NDST3: variants seen among roughly 807,000 people sequenced by gnomAD.
NDST3 encodes the protein bifunctional heparan sulfate N-deacetylase/N-sulfotransferase 3.
Under a neutral mutation model 96.1 loss-of-function variants are expected in NDST3, and 58 were observed. The observed-to-expected ratio is 0.60, with a 90% CI of 0.49 to 0.75. The LOEUF is 0.75. Among genes scored for constraint, NDST3 ranks in the 30% least tolerant of loss-of-function variants. NDST3 has a pLI of 0.00. For missense variants in NDST3, 788 were observed against 1,034.2 expected, an observed-to-expected ratio of 0.76 and a Z score of 3.27; for synonymous variants, 333 against 359.7, an observed-to-expected ratio of 0.93 and a Z score of 0.84.
At chr4:118,236,678 T>C (rs1265197179) in intron 9 of NDST3, among the ~76,000 whole-genome samples, 2 of 152,232 alleles carry the variant, frequency 1.3e-5, no homozygotes, top group Non-Finnish European at 2.9e-5. Context: ...ATCGTCTGTT[T>C]TAATACGATT....
At chr4:118,094,248 T>C (rs2125835268) in intron 2 of NDST3, among the ~76,000 whole-genome samples, 1 of 151,750 alleles carries the variant, frequency 6.6e-6, no homozygotes, top group Non-Finnish European at 1.5e-5. Context: ...GTAATTCTAG[T>C]GGATTAAAGT....
At chr4:118,106,489 G>T (rs576826574) in intron 3 of NDST3, among the ~76,000 whole-genome samples, 2 of 151,940 alleles carry the variant, frequency 1.3e-5, no homozygotes, top group African/African-American at 4.8e-5. Context: ...GGGACTACAG[G>T]CCCATGCCAC....
At chr4:118,247,231 A>G (rs1462041137) in intron 12 of NDST3, among the ~76,000 whole-genome samples, 2 of 149,352 alleles carry the variant, frequency 1.3e-5, no homozygotes, top group African/African-American at 4.9e-5. Context: ...AGGAATGTCC[A>G]GAAAAGAGAC....
At chr4:118,131,584 C>T (rs771179360) in intron 4 of NDST3, among the ~76,000 whole-genome samples, 2 of 152,048 alleles carry the variant, frequency 1.3e-5, no homozygotes, top group Non-Finnish European at 2.9e-5. Context: ...CTTATTTCTC[C>T]AGTATTGGTC....
chr4:118,143,819 C>A, intron 6 of NDST3, 135 bp downstream of exon 6: 1 of 873,056 alleles, frequency 1.1e-6, no homozygotes, highest in Non-Finnish European at 1.7e-6. Flanking sequence ...GTAGTAAAAA[C>A]TAAATGGAAC....
In NDST3 at chr4:118,082,875, C is replaced by A. The variant is rs62326089; in HGVS notation, c.982-22143C>A. 1.3e-3 allele frequency among the ~76,000 whole-genome samples: 203 copies of A among 152,114 alleles called. 1 individual carries two copies. The highest frequency in any genetic ancestry group is 2.1e-3 in the Non-Finnish European group (140 of 68,008). ...GGCCTCAGGGAGCTTCTAATTATGGCAGAAGGCAAAGGGGAAGTAGGCACA... is the reference window on the plus strand; with the variant it reads ...GGCCTCAGGGAGCTTCTAATTATGGAAGAAGGCAAAGGGGAAGTAGGCACA... On this transcript the variant is annotated intron_variant, in intron 2 of 13. Coordinates refer to ENST00000296499, the MANE Select transcript of NDST3 (RefSeq NM_004784.3).
intron 8 of NDST3, among the ~76,000 whole-genome samples, chr4:118,231,891 A>C (rs969595333): frequency 6.6e-6 from 1 of 152,124 alleles, no homozygotes. Context: ...GTCTTATAAA[A>C]CCCTAACTGT....
chr4:118,116,884 A>T (rs963570366), intron 4 of NDST3, among the ~76,000 whole-genome samples: 7 of 152,070 alleles, frequency 4.6e-5, no homozygotes, highest in Admixed American at 4.6e-4. Flanking sequence ...AAAAGAATAT[A>T]CTTAATACAT....
intron 2 of NDST3, among the ~76,000 whole-genome samples, chr4:118,086,005 T>C (rs987255362): frequency 2.0e-5 from 3 of 152,174 alleles, no homozygotes; most frequent in Non-Finnish European, 2.9e-5. Context: ...TTTTATTCTG[T>C]TCCATATGAC....
chr4:118,036,415 G>C (rs941007941), intron 1 of NDST3, among the ~76,000 whole-genome samples: 1 of 152,108 alleles, frequency 6.6e-6, no homozygotes, highest in African/African-American at 2.4e-5. Context: ...TGAATGCCTT[G>C]AATTTCTAAT....
At chr4:118,068,166 CTTTTTTTTT>C (rs34891564) in intron 2 of NDST3, among the ~76,000 whole-genome samples, 2 of 84,310 alleles carry the variant, frequency 2.4e-5, no homozygotes, top group Non-Finnish European at 4.3e-5. Flanking sequence ...TACTTGATCT[CTTTTTTTTT>C]TTTTTTTTTT....
At chr4:118,172,109 T>C (rs983195573) in intron 6 of NDST3, among the ~76,000 whole-genome samples, 8 of 152,336 alleles carry the variant, frequency 5.3e-5, no homozygotes, top group African/African-American at 1.9e-4. Context: ...TCAATGTTCA[T>C]TGCAGTTGGC....
intron 6 of NDST3, among the ~76,000 whole-genome samples, chr4:118,184,554 T>C (rs948363680): frequency 1.3e-4 from 20 of 151,498 alleles, no homozygotes; most frequent in African/African-American, 4.6e-4. Flanking sequence ...TCTCTGTCTG[T>C]CTGTCTCTCA....
At chr4:118,057,694 T>C (rs1298832518) in intron 2 of NDST3, among the ~76,000 whole-genome samples, 1 of 152,036 alleles carries the variant, frequency 6.6e-6, no homozygotes, top group Non-Finnish European at 1.5e-5. Context: ...CAAAGATCAC[T>C]GGGGACTCTT....
At chr4:118,103,857 G>T (rs1479674496) in intron 2 of NDST3, among the ~76,000 whole-genome samples, 5 of 152,142 alleles carry the variant, frequency 3.3e-5, no homozygotes, top group African/African-American at 1.2e-4. Flanking sequence ...AAAAGAATTA[G>T]ATAGCTAAAT....
Position 118,162,088 on chromosome 4 carries a change from G to A in NDST3, c.1539+18404G>A, listed in dbSNP as rs578079538. 2.4e-4 allele frequency among the ~76,000 whole-genome samples: 37 copies of A among 152,258 alleles called. No homozygotes were observed. In the East Asian group the frequency reaches 6.0e-3, roughly 25 times the overall value. On this transcript the variant is annotated intron_variant, in intron 6 of 13. Coordinates refer to ENST00000296499, the MANE Select transcript of NDST3 (RefSeq NM_004784.3). Reference sequence around the variant, plus strand: ...AAGGAGAACTACAAACCACTGCTCAGTGAAATAAAAGAGGATACAAAGAAA... The same window carrying A: ...AAGGAGAACTACAAACCACTGCTCAATGAAATAAAAGAGGATACAAAGAAA...
At chr4:118,226,834 A>G in intron 7 of NDST3, 52 bp from the exon 8 acceptor site, 1 of 1,276,628 alleles carries the variant, frequency 7.8e-7, no homozygotes, top group Non-Finnish European at 1.1e-6. Flanking sequence ...GCTGGCACAC[A>G]ATGGACACAT....
At chr4:118,178,207 T>C (rs1298174130) in intron 6 of NDST3, among the ~76,000 whole-genome samples, 1 of 152,034 alleles carries the variant, frequency 6.6e-6, no homozygotes, top group Non-Finnish European at 1.5e-5. Flanking sequence ...GTAAAATTTA[T>C]CATCTTAATT....
intron 2 of NDST3, among the ~76,000 whole-genome samples, chr4:118,099,714 G>C (rs1379636045): frequency 1.3e-5 from 2 of 152,038 alleles, no homozygotes; most frequent in Non-Finnish European, 2.9e-5. Flanking sequence ...AAATAGTAAA[G>C]TTGATCCTGG....
Sources: allele counts gnomAD v4.1 joint callset (sites outside exome capture counted in the v4.1 genomes callset), GRCh38; gene constraint gnomAD v4.1.1; transcripts MANE v1.5; gene names NCBI Gene and HGNC (gene_info 2026-07-23, HGNC 2026-07-21).